DRC11: variants seen among roughly 807,000 people sequenced by gnomAD.
DRC11 encodes dynein regulatory complex subunit 11.
At chr2:236,414,787 A>G in the DRC11 span, among the ~76,000 whole-genome samples, 1 of 152,348 alleles carries the variant, frequency 6.6e-6, no homozygotes, top group African/African-American at 2.4e-5. Context: ...AAACTGTTTC[A>G]CCAAGTTTCT....
chr2:236,310,147 G>A, the DRC11 span, among the ~76,000 whole-genome samples: 1 of 152,176 alleles, frequency 6.6e-6, no homozygotes, highest in Non-Finnish European at 1.5e-5. This position sits in a 1 kb window ranked among gnomAD's most constrained non-coding sequence, Gnocchi z 5.5. Flanking sequence ...AAGCAGCAGT[G>A]GGGATCCTTT....
chr2:236,503,575 C>T, the DRC11 span: 2 of 1,481,340 alleles, frequency 1.4e-6, no homozygotes, highest in South Asian at 2.4e-5. The surrounding 1 kb of genome is among the most constrained non-coding windows in gnomAD (Gnocchi z 4.9). Flanking sequence ...GGCAAAGATT[C>T]CCGGCTGACA....
At chr2:236,419,582 T>C in the DRC11 span, among the ~76,000 whole-genome samples, 1 of 152,166 alleles carries the variant, frequency 6.6e-6, no homozygotes, top group Admixed American at 6.5e-5. The surrounding 1 kb of genome is among the most constrained non-coding windows in gnomAD (Gnocchi z 4.8). Context: ...GGGGAGGTCA[T>C]AGCTTCCTCA....
At chr2:236,377,451 A>C in the DRC11 span, among the ~76,000 whole-genome samples, 1 of 152,132 alleles carries the variant, frequency 6.6e-6, no homozygotes. The surrounding 1 kb of genome is among the most constrained non-coding windows in gnomAD (Gnocchi z 4.9). Context: ...ACCAGCTCTA[A>C]CTCCTGCAGT....
the DRC11 span, among the ~76,000 whole-genome samples, chr2:236,409,438 T>C: frequency 1.3e-5 from 2 of 152,168 alleles, no homozygotes; most frequent in Non-Finnish European, 2.9e-5. Flanking sequence ...AGAATGCTTG[T>C]GATTTTTGTA....
the DRC11 span, among the ~76,000 whole-genome samples, chr2:236,436,087 T>C: frequency 6.6e-6 from 1 of 152,188 alleles, no homozygotes; most frequent in African/African-American, 2.4e-5. Context: ...TGACTTAAAA[T>C]TTTTACCAGT....
At chr2:236,339,019 T>G in the DRC11 span, among the ~76,000 whole-genome samples, 1 of 152,146 alleles carries the variant, frequency 6.6e-6, no homozygotes, top group Admixed American at 6.5e-5. Context: ...ACAGCCTGGC[T>G]GCAAACGAAC....
chr2:236,324,767 GT>G, the DRC11 span: 2 of 1,603,222 alleles, frequency 1.2e-6, no homozygotes, highest in Non-Finnish European at 1.7e-6. The surrounding 1 kb of genome is among the most constrained non-coding windows in gnomAD (Gnocchi z 5.7). Context: ...ACCCAGAGGA[GT>G]TTTGGCATAC....
At chr2:236,459,739 T>A in the DRC11 span, among the ~76,000 whole-genome samples, 830 of 148,100 alleles carry the variant, frequency 5.6e-3, 22 homozygotes, top group East Asian at 0.054. Flanking sequence ...GGAAGGAAAT[T>A]TATCAAAAAA....
chr2:236,359,078 C>G, the DRC11 span, among the ~76,000 whole-genome samples: 1 of 152,100 alleles, frequency 6.6e-6, no homozygotes, highest in South Asian at 2.1e-4. The surrounding 1 kb of genome is among the most constrained non-coding windows in gnomAD (Gnocchi z 4.3). Context: ...CAAGGGAAGG[C>G]CAGGGCAGGG....
At chr2:236,486,968 TC>T in the DRC11 span, 1 of 1,246,958 alleles carries the variant, frequency 8.0e-7, no homozygotes, top group Non-Finnish European at 1.1e-6. This position sits in a 1 kb window ranked among gnomAD's most constrained non-coding sequence, Gnocchi z 5.7. Flanking sequence ...TTGCAGTTTC[TC>T]CCATATAAAC....
the DRC11 span, among the ~76,000 whole-genome samples, chr2:236,423,845 T>C: frequency 6.6e-6 from 1 of 152,014 alleles, no homozygotes; most frequent in Admixed American, 6.6e-5. Context: ...ATGTGGCACA[T>C]ATACACCATG....
At chr2:236,339,426 G>A in the DRC11 span, among the ~76,000 whole-genome samples, 15 of 152,148 alleles carry the variant, frequency 9.9e-5, no homozygotes, top group African/African-American at 3.4e-4. Flanking sequence ...ATTTTGATGA[G>A]TTGCAATTTT....
the DRC11 span, among the ~76,000 whole-genome samples, chr2:236,312,190 C>T: frequency 2.0e-5 from 3 of 152,166 alleles, no homozygotes; most frequent in African/African-American, 7.2e-5. Context: ...AGGACTGAGA[C>T]ACCACTGAAT....
chr2:236,383,621 T>C, the DRC11 span, among the ~76,000 whole-genome samples: 1 of 151,976 alleles, frequency 6.6e-6, no homozygotes, highest in Admixed American at 6.5e-5. Flanking sequence ...ATTCTTGGTA[T>C]GTTGTGTGGT....
the DRC11 span, among the ~76,000 whole-genome samples, chr2:236,438,130 G>A: frequency 7.2e-6 from 1 of 138,828 alleles, no homozygotes; most frequent in East Asian, 2.0e-4. Context: ...TAAGGTGTAA[G>A]GAAGGGATCC....
the DRC11 span, among the ~76,000 whole-genome samples, chr2:236,431,477 T>C: frequency 6.6e-6 from 1 of 152,198 alleles, no homozygotes; most frequent in Non-Finnish European, 1.5e-5. The surrounding 1 kb of genome is among the most constrained non-coding windows in gnomAD (Gnocchi z 4.2). Flanking sequence ...TGAGGGTCAC[T>C]GCCTGCATGG....
At chr2:236,315,851 C>G in the DRC11 span, among the ~76,000 whole-genome samples, 5 of 151,924 alleles carry the variant, frequency 3.3e-5, no homozygotes, top group African/African-American at 1.2e-4. This position sits in a 1 kb window ranked among gnomAD's most constrained non-coding sequence, Gnocchi z 5.1. Flanking sequence ...TGTCGGAGGG[C>G]GGCGGGTTTG....
At chr2:236,480,140 G>A in the DRC11 span, among the ~76,000 whole-genome samples, 1 of 148,600 alleles carries the variant, frequency 6.7e-6, no homozygotes, top group South Asian at 2.1e-4. Context: ...TATGTTATTT[G>A]CTTCTTTTCT....
Sources: gnomAD v4.1 joint callset for allele counts (sites outside exome capture counted in the v4.1 genomes callset) on GRCh38, gnomAD v4.1.1 for gene constraint, Gnocchi (gnomAD v3.1) non-coding constraint, MANE v1.5 for transcripts, NCBI Gene and HGNC (gene_info 2026-07-23, HGNC 2026-07-21) for gene names.